The following TTC28 variants were observed in gnomAD, a reference collection of about 807,000 sequenced individuals.
TTC28 encodes tetratricopeptide repeat domain 28, also known as tetratricopeptide repeat protein 28.
A neutral mutation model predicts 198.0 loss-of-function variants in TTC28; 61 were observed. That is an observed-to-expected ratio of 0.31 (90% CI 0.25 to 0.38). TTC28 has a LOEUF of 0.38. TTC28 is among the 10% of genes least tolerant of loss of function. The pLI is 1.00. For missense variants in TTC28, 2,678 were observed against 3,164.0 expected, an observed-to-expected ratio of 0.85 and a Z score of 3.69; for synonymous variants, 1,171 against 1,297.8, an observed-to-expected ratio of 0.90 and a Z score of 2.10.
chr22:28,504,848 T>C (rs2048585746), intron 2 of TTC28, among the ~76,000 whole-genome samples: 1 of 152,222 alleles, frequency 6.6e-6, no homozygotes, highest in Non-Finnish European at 1.5e-5. Flanking sequence ...TAAGACTGTC[T>C]ATGAGCTATA....
intron 2 of TTC28, among the ~76,000 whole-genome samples, chr22:28,387,218 C>T (rs1394952746): frequency 3.9e-5 from 6 of 152,148 alleles, no homozygotes; most frequent in Non-Finnish European, 5.9e-5. Flanking sequence ...GTACATGTGC[C>T]ACATTTTCTT....
intron 2 of TTC28, among the ~76,000 whole-genome samples, chr22:28,474,370 G>A (rs979998423): frequency 1.6e-4 from 24 of 152,122 alleles, no homozygotes; most frequent in Non-Finnish European, 1.5e-5. Flanking sequence ...TGTACCTCTG[G>A]AACCTGAGAT....
rs548816108 is a variant in TTC28, at chr22:28,221,106, A to C, written c.934-57507T>G. Among the ~76,000 whole-genome samples the C allele has an allele frequency of 2.6e-5, 4 of 152,300 alleles. No individual in the cohort carries two copies. The South Asian group carries it at 6.2e-4, about 24-fold the overall frequency. ...ATGGTGTGGCTCCAGGAAAGTTGTTAGTTGGAGCAGGATCCCAGCATGCAG... is the reference window on the plus strand; with the variant it reads ...ATGGTGTGGCTCCAGGAAAGTTGTTCGTTGGAGCAGGATCCCAGCATGCAG... On this transcript the variant is annotated intron_variant, in intron 5 of 22. Transcript: ENST00000397906.
At chr22:27,992,418 C>T (rs940613064) in intron 19 of TTC28, 169 bp downstream of exon 19, 16 of 697,010 alleles carry the variant, frequency 2.3e-5, no homozygotes, top group African/African-American at 2.2e-4. Flanking sequence ...GTAAACAGCA[C>T]TTGCCAGGCA....
intron 6 of TTC28, among the ~76,000 whole-genome samples, chr22:28,154,523 T>C (rs1943705960): frequency 6.6e-6 from 1 of 151,918 alleles, no homozygotes; most frequent in African/African-American, 2.4e-5. Flanking sequence ...GCTAATTTTT[T>C]CTTTTTATAT....
At chr22:28,615,370 C>A (rs1295581481) in intron 2 of TTC28, among the ~76,000 whole-genome samples, 1 of 152,150 alleles carries the variant, frequency 6.6e-6, no homozygotes, top group Non-Finnish European at 1.5e-5. Flanking sequence ...ACTAGTTCAA[C>A]CATTTTGGAA....
At chr22:28,010,419 C>G (rs1938103141) in intron 14 of TTC28, among the ~76,000 whole-genome samples, 1 of 152,204 alleles carries the variant, frequency 6.6e-6, no homozygotes, top group African/African-American at 2.4e-5. Context: ...ACACATGGCA[C>G]AACTTTTATA....
intron 1 of TTC28, among the ~76,000 whole-genome samples, chr22:28,673,586 A>G (rs1569093636): frequency 1.3e-5 from 2 of 152,228 alleles, no homozygotes; most frequent in Admixed American, 1.3e-4. Flanking sequence ...CATAAAGAGT[A>G]TCACTTTGGT....
chr22:28,637,892 C>T (rs1237372590), intron 1 of TTC28, among the ~76,000 whole-genome samples: 1 of 151,888 alleles, frequency 6.6e-6, no homozygotes, highest in African/African-American at 2.4e-5. Context: ...AAAATGGAAA[C>T]CAAAAGAGAG....
rs145369196 is a variant in TTC28, at chr22:28,166,520, A to C, written c.934-2921T>G. On this transcript the variant is annotated intron_variant, in intron 5 of 22. Coordinates refer to ENST00000397906, the MANE Select transcript of TTC28 (RefSeq NM_001145418.2). ...ACTAGAACTCAGGATTAAGAAATTCACTCAAAACCGCTCAACTACATGGAA... is the reference window on the plus strand; with the variant it reads ...ACTAGAACTCAGGATTAAGAAATTCCCTCAAAACCGCTCAACTACATGGAA... Among the ~76,000 whole-genome samples the C allele has an allele frequency of 7.8e-3, 1,183 of 152,294 alleles. 17 individuals are homozygous for C. Among genetic ancestry groups the C allele is most frequent in the African/African-American group, 0.024 (1,010 of 41,548 alleles).
At chr22:28,122,382 A>C (rs972543904) in intron 6 of TTC28, among the ~76,000 whole-genome samples, 1 of 152,210 alleles carries the variant, frequency 6.6e-6, no homozygotes, top group African/African-American at 2.4e-5. Flanking sequence ...GAGAAAAATA[A>C]GCCCTTATTT....
At chr22:28,399,936 T>C (rs889312225) in intron 2 of TTC28, among the ~76,000 whole-genome samples, 5 of 152,110 alleles carry the variant, frequency 3.3e-5, no homozygotes, top group African/African-American at 4.8e-5. Flanking sequence ...CTGTAGAAAA[T>C]TAGAGAATAC....
chr22:28,627,844 C>G (rs1448311882), intron 2 of TTC28, among the ~76,000 whole-genome samples: 1 of 152,144 alleles, frequency 6.6e-6, no homozygotes, highest in Admixed American at 6.5e-5. Context: ...AGCAGCAATA[C>G]TAGAAATTCC....
chr22:28,160,721 G>T (rs569520929), intron 6 of TTC28, among the ~76,000 whole-genome samples: 3 of 152,328 alleles, frequency 2.0e-5, no homozygotes, highest in Admixed American at 2.0e-4. Flanking sequence ...TGACACTGAG[G>T]AGTGGGACAA....
intron 12 of TTC28, among the ~76,000 whole-genome samples, chr22:28,053,155 G>T (rs1940151574): frequency 6.6e-6 from 1 of 152,232 alleles, no homozygotes; most frequent in Non-Finnish European, 1.5e-5. Flanking sequence ...GAACGAAATG[G>T]CTTCTGCCTT....
At chr22:28,672,016 C>G in intron 1 of TTC28, among the ~76,000 whole-genome samples, 1 of 149,908 alleles carries the variant, frequency 6.7e-6, no homozygotes, top group Non-Finnish European at 1.5e-5. Flanking sequence ...AGAAATAAAC[C>G]ATTTAAAACT....
rs1001948523 is a variant in TTC28, at chr22:27,990,827, T to G, written c.5554-15A>C. 3.2e-6 allele frequency: 5 copies of G among 1,547,828 alleles called. No individual in the cohort carries two copies. In the African/African-American group the frequency reaches 6.9e-5, roughly 21 times the overall value. ...TTTTTAACAGCCTTCGGCCAGCAGA[T>G]TATAAGAAAAAGAAAGAAAGAGAGA... On this transcript the variant is annotated splice_polypyrimidine_tract_variant and intron_variant, in intron 19 of 22. Coordinates refer to ENST00000397906, the MANE Select transcript of TTC28 (RefSeq NM_001145418.2).
At chr22:28,453,245 G>A (rs1457251613) in intron 2 of TTC28, among the ~76,000 whole-genome samples, 1 of 152,096 alleles carries the variant, frequency 6.6e-6, no homozygotes, top group Non-Finnish European at 1.5e-5. Context: ...TCAGAACTCT[G>A]ACTGGCTAGC....
At chr22:28,560,756 T>TTTTG (rs759060746) in intron 2 of TTC28, among the ~76,000 whole-genome samples, 42 of 152,162 alleles carry the variant, frequency 2.8e-4, no homozygotes, top group Non-Finnish European at 4.7e-4. Context: ...ATTTTCTTTT[T>TTTTG]TTTGTTTGTT....
Sources: allele counts gnomAD v4.1 joint callset (sites outside exome capture counted in the v4.1 genomes callset), GRCh38; gene constraint gnomAD v4.1.1; transcripts MANE v1.5; gene names NCBI Gene and HGNC (gene_info 2026-07-23, HGNC 2026-07-21).